The following ARB2A variants were observed in gnomAD, a reference collection of about 807,000 sequenced individuals.
The protein encoded by ARB2A is cotranscriptional regulator ARB2A.
the ARB2A span, among the ~76,000 whole-genome samples, chr5:93,852,040 C>A: frequency 2.6e-5 from 4 of 152,190 alleles, no homozygotes; most frequent in Non-Finnish European, 5.9e-5. Flanking sequence ...CTGACTTCCA[C>A]AAGGGTTGAA....
the ARB2A span, among the ~76,000 whole-genome samples, chr5:94,056,646 C>G: frequency 6.6e-6 from 1 of 152,112 alleles, no homozygotes; most frequent in Non-Finnish European, 1.5e-5. Context: ...TAAACCTCAA[C>G]TAAGCATATA....
the ARB2A span, among the ~76,000 whole-genome samples, chr5:93,855,675 A>G: frequency 2.8e-4 from 43 of 152,244 alleles, no homozygotes; most frequent in Middle Eastern, 3.4e-3. Context: ...ATCTCTCAGC[A>G]TTTGCTTCTC....
At chr5:93,811,669 A>G in the ARB2A span, among the ~76,000 whole-genome samples, 1 of 152,140 alleles carries the variant, frequency 6.6e-6, no homozygotes, top group Non-Finnish European at 1.5e-5. Flanking sequence ...GGAAAAATAT[A>G]TATTTCATGT....
At chr5:94,018,953 C>T in the ARB2A span, among the ~76,000 whole-genome samples, 1 of 152,046 alleles carries the variant, frequency 6.6e-6, no homozygotes, top group Non-Finnish European at 1.5e-5. Flanking sequence ...GGTACTGGTA[C>T]CAAAACAGAT....
the ARB2A span, among the ~76,000 whole-genome samples, chr5:93,847,277 T>C: frequency 6.6e-6 from 1 of 152,186 alleles, no homozygotes; most frequent in Non-Finnish European, 1.5e-5. Flanking sequence ...CTAGCAAAGC[T>C]AGATTTCTTA....
At chr5:93,938,311 A>T in the ARB2A span, among the ~76,000 whole-genome samples, 4 of 152,238 alleles carry the variant, frequency 2.6e-5, no homozygotes, top group African/African-American at 9.6e-5. Context: ...CACAAAAAAA[A>T]GTTATGCCAG....
chr5:93,905,867 CCATAT>C, the ARB2A span, among the ~76,000 whole-genome samples: 3 of 151,436 alleles, frequency 2.0e-5, no homozygotes, highest in African/African-American at 7.3e-5. Flanking sequence ...ACCTAAGAAT[CCATAT>C]CATATATGTT....
At chr5:94,037,395 T>C in the ARB2A span, among the ~76,000 whole-genome samples, 3 of 152,070 alleles carry the variant, frequency 2.0e-5, no homozygotes, top group Non-Finnish European at 4.4e-5. Flanking sequence ...ATGTCAGTAA[T>C]AATAAGTAGA....
At chr5:93,682,609 T>C in the ARB2A span, among the ~76,000 whole-genome samples, 1 of 152,008 alleles carries the variant, frequency 6.6e-6, no homozygotes, top group Non-Finnish European at 1.5e-5. Flanking sequence ...CTATGTCCTA[T>C]CATAACATTC....
the ARB2A span, among the ~76,000 whole-genome samples, chr5:93,958,236 A>G: frequency 6.6e-6 from 1 of 152,080 alleles, no homozygotes; most frequent in African/African-American, 2.4e-5. Flanking sequence ...TCTATGTCTC[A>G]TGCTTAAAGC....
the ARB2A span, among the ~76,000 whole-genome samples, chr5:94,036,462 C>T: frequency 6.6e-6 from 1 of 152,126 alleles, no homozygotes; most frequent in Non-Finnish European, 1.5e-5. Context: ...AAGATATTGG[C>T]AATTTCTCCT....
At chr5:94,102,610 G>A in the ARB2A span, among the ~76,000 whole-genome samples, 4 of 152,212 alleles carry the variant, frequency 2.6e-5, no homozygotes, top group Non-Finnish European at 5.9e-5. Context: ...TAAAAATTAT[G>A]AAAATTTCCC....
the ARB2A span, chr5:93,741,135 C>T: frequency 8.7e-6 from 14 of 1,613,854 alleles, no homozygotes; most frequent in African/African-American, 1.3e-5. Flanking sequence ...CATCGGCCTG[C>T]GAGTACCCTA....
chr5:93,905,652 A>G, the ARB2A span, among the ~76,000 whole-genome samples: 1 of 151,546 alleles, frequency 6.6e-6, no homozygotes, highest in Admixed American at 6.6e-5. Context: ...CTGTTTGCAT[A>G]CAAGGGGTTC....
At chr5:93,648,158 A>AG in the ARB2A span, among the ~76,000 whole-genome samples, 5 of 151,660 alleles carry the variant, frequency 3.3e-5, no homozygotes, top group African/African-American at 1.2e-4. Flanking sequence ...AAAAAAAAAA[A>AG]AAAAGATTTA....
At chr5:93,915,910 T>C in the ARB2A span, among the ~76,000 whole-genome samples, 1 of 152,058 alleles carries the variant, frequency 6.6e-6, no homozygotes, top group Admixed American at 6.6e-5. Flanking sequence ...GAAAGAGTTC[T>C]ACCATGGCTG....
At chr5:93,770,654 A>G in the ARB2A span, among the ~76,000 whole-genome samples, 2 of 152,188 alleles carry the variant, frequency 1.3e-5, no homozygotes, top group Non-Finnish European at 2.9e-5. Context: ...GCATTCTTAT[A>G]CACCAATAAC....
the ARB2A span, among the ~76,000 whole-genome samples, chr5:93,666,704 T>C: frequency 6.6e-6 from 1 of 152,186 alleles, no homozygotes; most frequent in Admixed American, 6.5e-5. Context: ...GTCCATAGTT[T>C]TGTGCAAGTC....
the ARB2A span, among the ~76,000 whole-genome samples, chr5:94,032,445 C>A: frequency 1.3e-5 from 2 of 152,164 alleles, no homozygotes; most frequent in Admixed American, 1.3e-4. Flanking sequence ...GCAAAATAGA[C>A]ACCACGGGAA....
Sources: gnomAD v4.1 joint callset for allele counts (sites outside exome capture counted in the v4.1 genomes callset) on GRCh38, gnomAD v4.1.1 for gene constraint, MANE v1.5 for transcripts, NCBI Gene and HGNC (gene_info 2026-07-23, HGNC 2026-07-21) for gene names.